ARMC9: variants seen among roughly 807,000 people sequenced by gnomAD.
ARMC9 encodes the protein armadillo repeat containing 9.
In ARMC9, 94 loss-of-function variants were observed where a neutral mutation model predicts 107.0. That is an observed-to-expected ratio of 0.88 (90% CI 0.74 to 1.04). The LOEUF is 1.04. ARMC9 is among the 50% of genes least tolerant of loss of function. The pLI is 0.00. For missense variants in ARMC9, 942 were observed against 1,030.1 expected, an observed-to-expected ratio of 0.91 and a Z score of 1.17; for synonymous variants, 380 against 396.9, an observed-to-expected ratio of 0.96 and a Z score of 0.51.
At chr2:231,219,548 A>G (rs1471895844) in intron 5 of ARMC9, among the ~76,000 whole-genome samples, 1 of 152,080 alleles carries the variant, frequency 6.6e-6, no homozygotes, top group Non-Finnish European at 1.5e-5. Context: ...TTTGAAGGTG[A>G]TCAATCTCTT....
intron 10 of ARMC9, 80 bp downstream of exon 10, chr2:231,256,700 A>G (rs2037851728): frequency 1.4e-6 from 2 of 1,469,476 alleles, no homozygotes; most frequent in Non-Finnish European, 1.9e-6. Context: ...TTTAATAAAC[A>G]CTTAGCAGCC....
At chr2:231,216,404 T>A (rs1404111473) in intron 4 of ARMC9, among the ~76,000 whole-genome samples, 1 of 152,186 alleles carries the variant, frequency 6.6e-6, no homozygotes, top group Non-Finnish European at 1.5e-5. Flanking sequence ...ATAATAAAGT[T>A]AAAAAGCAGC....
intron 21 of ARMC9, 159 bp downstream of exon 21, chr2:231,345,249 T>C: frequency 1.1e-5 from 14 of 1,283,814 alleles, no homozygotes; most frequent in South Asian, 1.5e-5. Context: ...AGAGGTTGAG[T>C]CCTTCTCCCT....
intron 23 of ARMC9, among the ~76,000 whole-genome samples, chr2:231,365,681 GGGAACCAGCCGCACACACAGCAGATA>G (rs1559508693): frequency 2.9e-5 from 4 of 139,558 alleles, no homozygotes; most frequent in East Asian, 1.9e-4. Flanking sequence ...CACAGCAGAT[GGGAACCAGCCGCACACACAGCAGATA>G]GGACCCAGCC....
intron 2 of ARMC9, among the ~76,000 whole-genome samples, chr2:231,207,039 C>T (rs1299583947): frequency 6.6e-6 from 1 of 152,230 alleles, no homozygotes; most frequent in Non-Finnish European, 1.5e-5. Context: ...AGGTCTTGTT[C>T]TGCCGCCTAG....
At chr2:231,254,587 G>C (rs1036743665) in intron 9 of ARMC9, among the ~76,000 whole-genome samples, 2 of 151,760 alleles carry the variant, frequency 1.3e-5, no homozygotes, top group African/African-American at 4.8e-5. Flanking sequence ...TGGAGGCTGA[G>C]GCAGGAGGAT....
intron 22 of ARMC9, among the ~76,000 whole-genome samples, chr2:231,356,722 GT>G (rs982204369): frequency 4.6e-5 from 7 of 152,146 alleles, no homozygotes; most frequent in Non-Finnish European, 1.0e-4. Flanking sequence ...AGTTTCAGAG[GT>G]TTTGCCAGCG....
Position 231,296,989 on chromosome 2 carries a change from G to C in ARMC9, c.1773+736G>C, listed in dbSNP as rs140483285. The stretch of plus-strand genomic sequence containing the variant: ...TGCTGGAACATTTTCATCTATTTTG[G>C]GGGGAGCATTCACTGAAAAAGTGGA... On this transcript the variant is annotated intron_variant, in intron 19 of 24. Coordinates refer to ENST00000611582, the MANE Select transcript of ARMC9 (RefSeq NM_001352754.2). 2.3e-3 allele frequency among the ~76,000 whole-genome samples: 354 copies of C among 152,290 alleles called. 1 individual carries two copies. Among genetic ancestry groups the C allele is most frequent in the African/African-American group, 7.5e-3 (311 of 41,544 alleles).
At chr2:231,278,484 G>A (rs747503730) in intron 16 of ARMC9, 26 bp downstream of exon 16, 2 of 1,610,334 alleles carry the variant, frequency 1.2e-6, no homozygotes, top group Admixed American at 1.7e-5. Flanking sequence ...TGCTGGCCCT[G>A]GGCTCGGGGA....
At chr2:231,243,552 C>G (rs987635114) in intron 9 of ARMC9, among the ~76,000 whole-genome samples, 2 of 152,180 alleles carry the variant, frequency 1.3e-5, no homozygotes, top group African/African-American at 4.8e-5. Flanking sequence ...GTTATGTTAG[C>G]AGCAAAATAC....
chr2:231,246,673 C>T (rs755337476), intron 9 of ARMC9, among the ~76,000 whole-genome samples: 6 of 152,066 alleles, frequency 3.9e-5, no homozygotes, highest in Non-Finnish European at 5.9e-5. Context: ...CATATGAGTA[C>T]GTGTGTCTTT....
intron 12 of ARMC9, among the ~76,000 whole-genome samples, chr2:231,267,197 G>T (rs966078347): frequency 4.6e-5 from 7 of 152,118 alleles, no homozygotes; most frequent in Non-Finnish European, 7.4e-5. Context: ...GAATTGAAAG[G>T]TGGGCCAGGT....
intron 12 of ARMC9, among the ~76,000 whole-genome samples, chr2:231,265,162 A>C (rs1036096334): frequency 6.6e-5 from 10 of 152,196 alleles, no homozygotes; most frequent in African/African-American, 2.4e-4. Context: ...GTGGCAATGT[A>C]AATTAGTACA....
intron 20 of ARMC9, among the ~76,000 whole-genome samples, chr2:231,344,181 G>T (rs2044682097): frequency 6.6e-6 from 1 of 152,174 alleles, no homozygotes; most frequent in Admixed American, 6.5e-5. Flanking sequence ...TCAAGGATGT[G>T]TGAACATTTT....
At position 231,376,400 on chromosome 2, in the gene ARMC9, G is replaced by T. The variant is rs1397850082; in HGVS notation, c.*4865G>T. On this transcript the variant is annotated 3_prime_UTR_variant, in exon 25 of 25. Transcript: ENST00000611582. Reference sequence around the variant, plus strand: ...CTGAGAAAGAGAATGCACACCTGGGGGTGGGTCTCTGAACTGGCCCCCCTC... The same window carrying T: ...CTGAGAAAGAGAATGCACACCTGGGTGTGGGTCTCTGAACTGGCCCCCCTC... 6.6e-6 allele frequency among the ~76,000 whole-genome samples: 1 copy of T among 152,094 alleles called. No homozygotes were observed. The highest frequency in any genetic ancestry group is 1.5e-5 in the Non-Finnish European group (1 of 68,022).
At chr2:231,287,729 G>A (rs1055875361) in intron 17 of ARMC9, among the ~76,000 whole-genome samples, 11 of 152,124 alleles carry the variant, frequency 7.2e-5, no homozygotes, top group African/African-American at 2.7e-4. Context: ...ACAGACATGA[G>A]TCACCACGCC....
intron 10 of ARMC9, 35 bp downstream of exon 10, chr2:231,256,655 G>A (rs1046156279): frequency 1.8e-5 from 29 of 1,598,606 alleles, no homozygotes; most frequent in Admixed American, 5.0e-5. Flanking sequence ...TTATTAAGGA[G>A]AACAGCAATG....
intron 19 of ARMC9, among the ~76,000 whole-genome samples, chr2:231,299,266 A>C (rs573853332): frequency 6.6e-6 from 1 of 152,242 alleles, no homozygotes; most frequent in African/African-American, 2.4e-5. Flanking sequence ...AAAGGAAATC[A>C]TAAAGTAATT....
intron 17 of ARMC9, among the ~76,000 whole-genome samples, chr2:231,286,322 G>T (rs995873200): frequency 6.6e-6 from 1 of 152,110 alleles, no homozygotes; most frequent in African/African-American, 2.4e-5. Context: ...CACCGTGTTG[G>T]CCAGGCTGGT....
Sources: gnomAD v4.1 joint callset for allele counts (sites outside exome capture counted in the v4.1 genomes callset) on GRCh38, gnomAD v4.1.1 for gene constraint, MANE v1.5 for transcripts, NCBI Gene and HGNC (gene_info 2026-07-23, HGNC 2026-07-21) for gene names.